R3HDM4: variants seen among roughly 807,000 people sequenced by gnomAD.
R3HDM4 encodes the protein R3H domain-containing protein 4.
R3HDM4 carries 30 observed loss-of-function variants against 31.3 expected under a neutral mutation model. That is an observed-to-expected ratio of 0.96 (90% CI 0.72 to 1.30). The LOEUF is 1.30. R3HDM4 is among the 50% of genes most tolerant of loss of function. The probability of loss-of-function intolerance (pLI) is 0.00; values close to 1 mark genes in which losing one functional copy is unlikely to be tolerated. For synonymous variants in R3HDM4, 196 were observed against 156.6 expected (o/e 1.25, Z -1.88); for missense variants, 444 against 366.1 (o/e 1.21, Z -1.74).
chr19:904,183 C>A (rs2036874730), intron 1 of R3HDM4, among the ~76,000 whole-genome samples: 1 of 152,162 alleles, frequency 6.6e-6, no homozygotes, highest in Non-Finnish European at 1.5e-5. Flanking sequence ...TAACTCCACC[C>A]CACCTGAAAC....
Position 897,390 on chromosome 19 carries a change from G to A in R3HDM4, c.*47C>T, listed in dbSNP as rs1243858263. The A allele has an allele frequency of 7.2e-7, 1 of 1,384,204 alleles. No homozygotes were observed. Among genetic ancestry groups the A allele is most frequent in the Non-Finnish European group, 1.0e-6 (1 of 1,004,002 alleles). 85.7% of individuals were successfully genotyped at this position (1,384,204 alleles called of 1,614,324 possible). On this transcript the variant is annotated 3_prime_UTR_variant, in exon 8 of 8. Coordinates refer to ENST00000361574, the MANE Select transcript of R3HDM4 (RefSeq NM_138774.4). The stretch of plus-strand genomic sequence containing the variant: ...ATATTTTAGCCGAAGGTATCGGAGG[G>A]CTTGATGGCTGGGCGAGGTGGCAGC...
In R3HDM4 at chr19:913,188, C is replaced by G. The variant is rs2037004839; in HGVS notation, c.-31G>C. The stretch of plus-strand genomic sequence containing the variant: ...GCACGCTGTCGCCGCCGCCGCCGCC[C>G]GGCAGGGCCTTCACCGGGCCGGGCA... On this transcript the variant is annotated 5_prime_UTR_variant, in exon 1 of 8. Coordinates refer to ENST00000361574, the MANE Select transcript of R3HDM4 (RefSeq NM_138774.4). The surrounding 1 kb of genome is among the most constrained non-coding windows in gnomAD (Gnocchi z 5.0). 3.8e-6 allele frequency: 4 copies of G among 1,058,292 alleles called. No individual in the cohort carries two copies. The highest frequency in any genetic ancestry group is 4.5e-6 in the Non-Finnish European group (4 of 879,584). 65.6% of individuals were successfully genotyped at this position (1,058,292 alleles called of 1,614,324 possible).
chr19:901,306 A>C, intron 3 of R3HDM4, 116 bp downstream of exon 3: 1 of 1,153,944 alleles, frequency 8.7e-7, no homozygotes, highest in Non-Finnish European at 1.2e-6. Flanking sequence ...GGCCTTCATT[A>C]GGAGATCAGA....
chr19:899,642 G>A lies in R3HDM4; in HGVS notation c.606C>T (p.Ser202=), dbSNP rs373410617. 36 of 1,606,784 alleles carry A rather than the reference G, an allele frequency of 2.2e-5. No homozygotes were observed. Among genetic ancestry groups the A allele is most frequent in the Middle Eastern group, 3.3e-4 (2 of 6,010 alleles). Residue 202 remains serine (S), a synonymous_variant, in exon 6 of 8, where the codon TCC becomes TCT. Coordinates refer to ENST00000361574, the MANE Select transcript of R3HDM4 (RefSeq NM_138774.4). This position sits in a 1 kb window ranked among gnomAD's most constrained non-coding sequence, Gnocchi z 6.8. ...TWEERLLRFF[S]VSPQAVYTAM... ...CTGTGTACACGGCCTGGGGGGACAC[G>A]GAGAAGAACCGAAGCAGCCGCTCCT...
rs1476256606 is a variant in R3HDM4 at position 899,336 on chromosome 19, C to T, written c.703+104G>A. ...GTCCCCACTCCAGCCCCCTTCCCCA[C>T]CTCCCCACCAAGCCCCACTCTGAGG... On this transcript the variant is annotated intron_variant, in intron 7 of 7. Coordinates refer to ENST00000361574, the MANE Select transcript of R3HDM4 (RefSeq NM_138774.4). The surrounding 1 kb of genome is among the most constrained non-coding windows in gnomAD (Gnocchi z 6.8). 2.5e-6 allele frequency: 3 copies of T among 1,213,314 alleles called. No homozygotes were observed. Among genetic ancestry groups the T allele is most frequent in the Admixed American group, 3.7e-5 (2 of 54,484 alleles). 75.2% of individuals were successfully genotyped at this position (1,213,314 alleles called of 1,614,324 possible).
chr19:908,857 C>T (rs910134726), intron 1 of R3HDM4, among the ~76,000 whole-genome samples: 5 of 152,130 alleles, frequency 3.3e-5, no homozygotes, highest in African/African-American at 1.2e-4. Context: ...TAATCACTAG[C>T]TCACTAGGCC....
At position 913,050 on chromosome 19, in the gene R3HDM4, C is replaced by CG; in HGVS notation, c.71+36_71+37insC. On this transcript the variant is annotated intron_variant, in intron 1 of 7. Transcript: ENST00000361574. The surrounding 1 kb of genome is among the most constrained non-coding windows in gnomAD (Gnocchi z 5.0). Reference sequence around the variant, plus strand: ...TCTCAGGGGAGGGAGCCCAGCCCGCCCCCGGCGCCCGCCGCGCCCCGCCCG... The same window carrying CG: ...TCTCAGGGGAGGGAGCCCAGCCCGCCGCCCGGCGCCCGCCGCGCCCCGCCCG... The CG allele has an allele frequency of 1.1e-6, 1 of 886,832 alleles. No individual in the cohort carries two copies. Among genetic ancestry groups the CG allele is most frequent in the Non-Finnish European group, 1.4e-6 (1 of 729,882 alleles). 54.9% of individuals were successfully genotyped at this position (886,832 alleles called of 1,614,324 possible).
At chr19:900,631 C>G (rs1052434523) in intron 4 of R3HDM4, among the ~76,000 whole-genome samples, 198 bp downstream of exon 4, 3 of 140,346 alleles carry the variant, frequency 2.1e-5, no homozygotes, top group Admixed American at 7.2e-5. Context: ...ATCCTGCCCC[C>G]CATCGCGGCC....
Position 901,540 on chromosome 19 carries a change from T to C in R3HDM4, c.233A>G (p.Tyr78Cys). The C allele has an allele frequency of 6.2e-7, 1 of 1,604,526 alleles. No individual in the cohort carries two copies. ...GTCTGTCTCCAGCAGGGTCAGGAGG[T>C]ACTGGGCTAGGTGGAAACAGATGCT... Reference protein sequence around the residue: ...KSLQRLENTQYLLTLLETDGG... With the variant: ...KSLQRLENTQCLLTLLETDGG... The change falls in exon 3 of 8, where the codon TAC becomes TGC. Residue 78 changes from tyrosine (Y) to cysteine (C), a missense_variant. Tyr to Cys is a radical substitution (Grantham distance 194). Coordinates refer to ENST00000361574, the MANE Select transcript of R3HDM4 (RefSeq NM_138774.4).
At chr19:900,802 C>T in intron 4 of R3HDM4, 27 bp downstream of exon 4, 1 of 1,410,658 alleles carries the variant, frequency 7.1e-7, no homozygotes, top group Non-Finnish European at 9.6e-7. Context: ...CTGGCCCCAC[C>T]CATACCCGCC....
At position 900,046 on chromosome 19, in the gene R3HDM4, C is replaced by A. The variant is rs779277651; in HGVS notation, c.561+15G>T. On this transcript the variant is annotated intron_variant, in intron 5 of 7. Coordinates refer to ENST00000361574, the MANE Select transcript of R3HDM4 (RefSeq NM_138774.4). ...AGGCAGGTAGAAAAGGGAGGCCCGG[C>A]AATCCCCCACTCACCATGGGGATGC... 5.6e-6 allele frequency: 9 copies of A among 1,610,880 alleles called. No homozygotes were observed. In the South Asian group the frequency reaches 9.9e-5, roughly 18 times the overall value.
rs749978069 is a variant in R3HDM4 at position 901,452 on chromosome 19, G to A, written c.321C>T (p.Ala107=). The A allele has an allele frequency of 2.3e-5, 37 of 1,608,608 alleles. No individual in the cohort carries two copies. The highest frequency in any genetic ancestry group is 3.7e-4 in the Middle Eastern group (2 of 5,446). The change falls in exon 3 of 8, where the codon GCC becomes GCT. Residue 107 remains alanine (A), a synonymous_variant. Transcript: ENST00000361574. ...CATAGGTGGCGTTGTTGCAGGCCTC[G>A]GCAAAGATGCCTGGTGATGCAGGGG... ...LAPPASPGIF[A]EACNNATYVE...
At chr19:903,048 G>A (rs1489828335) in intron 1 of R3HDM4, among the ~76,000 whole-genome samples, 1 of 152,092 alleles carries the variant, frequency 6.6e-6, no homozygotes, top group Non-Finnish European at 1.5e-5. Context: ...AAAAGCTGCC[G>A]CCCACCCCCA....
chr19:910,876 T>C (rs1418910960), intron 1 of R3HDM4, among the ~76,000 whole-genome samples: 1 of 152,106 alleles, frequency 6.6e-6, no homozygotes, highest in East Asian at 1.9e-4. Flanking sequence ...TCCCAGCACT[T>C]TGGGAGGCCA....
At chr19:898,460 C>A (rs1216587704) in intron 7 of R3HDM4, among the ~76,000 whole-genome samples, 2 of 148,402 alleles carry the variant, frequency 1.3e-5, no homozygotes, top group Non-Finnish European at 3.0e-5. Flanking sequence ...ATTAGCCGGG[C>A]GTGCTGGCCG....
chr19:901,318 GT>G, intron 3 of R3HDM4, 103 bp downstream of exon 3: 1 of 1,288,580 alleles, frequency 7.8e-7, no homozygotes, highest in Non-Finnish European at 1.1e-6. Flanking sequence ...GAGATCAGAA[GT>G]GGGCGGGTGC....
At chr19:903,894 CA>C (rs1009864420) in intron 1 of R3HDM4, among the ~76,000 whole-genome samples, 5 of 152,140 alleles carry the variant, frequency 3.3e-5, no homozygotes, top group Admixed American at 2.0e-4. Flanking sequence ...ACTAAAAATA[CA>C]AAAAAATTAG....
Position 900,932 on chromosome 19 carries a change from G to C in R3HDM4, c.372C>G (p.Asn124Lys), listed in dbSNP as rs752606463. The change falls in exon 4 of 8, where the codon AAC becomes AAG. Residue 124 changes from asparagine to lysine, a missense_variant. By Grantham distance (94) the Asn-to-Lys change is moderately conservative. Transcript: ENST00000361574. ...CCCGCTCCTGCTCCTCCCCGGAGCG[G>C]TTCATGAAATCGTTCCAGACCTGGA... ...TYVEVWNDFM[N>K]RSGEEQERVL... 1.9e-6 allele frequency: 3 copies of C among 1,606,158 alleles called. No individual in the cohort carries two copies. Among genetic ancestry groups the C allele is most frequent in the East Asian group, 4.5e-5 (2 of 44,176 alleles).
rs1471350136 is a variant in R3HDM4 at position 899,033 on chromosome 19, G to A, written c.703+407C>T. Reference sequence around the variant, plus strand: ...GAAAAGTGGAGCGCAGGGGCCAGTAGGGGGTCTCGCCTGAGGTCCCACGTG... The same window carrying A: ...GAAAAGTGGAGCGCAGGGGCCAGTAAGGGGTCTCGCCTGAGGTCCCACGTG... On this transcript the variant is annotated intron_variant, in intron 7 of 7. Transcript: ENST00000361574. This position sits in a 1 kb window ranked among gnomAD's most constrained non-coding sequence, Gnocchi z 6.8. 1.3e-5 allele frequency among the ~76,000 whole-genome samples: 2 copies of A among 152,142 alleles called. No homozygotes were observed. Among genetic ancestry groups the A allele is most frequent in the Non-Finnish European group, 2.9e-5 (2 of 68,020 alleles).
Sources: allele counts gnomAD v4.1 joint callset (sites outside exome capture counted in the v4.1 genomes callset), GRCh38; gene constraint gnomAD v4.1.1; non-coding constraint Gnocchi (gnomAD v3.1); transcripts MANE v1.5; gene names NCBI Gene and HGNC (gene_info 2026-07-23, HGNC 2026-07-21).